The following SEPTIN6 variants were observed in gnomAD, a reference collection of about 807,000 sequenced individuals.
SEPTIN6 encodes the protein septin-6.
In SEPTIN6, 8 loss-of-function variants were observed where a neutral mutation model predicts 33.6. The observed-to-expected ratio is 0.24, with a 90% CI of 0.14 to 0.43. The LOEUF is 0.43. SEPTIN6 is among the 20% of genes least tolerant of loss of function. SEPTIN6 has a pLI of 1.00. For synonymous variants in SEPTIN6, 131 were observed against 140.0 expected, an observed-to-expected ratio of 0.94 and a Z score of 0.45; for missense variants, 250 against 340.8, an observed-to-expected ratio of 0.73 and a Z score of 2.10.
At chrX:119,621,360 C>A (rs1165203389) in intron 10 of SEPTIN6, among the ~76,000 whole-genome samples, 5 of 109,140 alleles carry the variant, frequency 4.6e-5, no homozygotes, top group South Asian at 3.9e-4. Context: ...AGAACTGATC[C>A]CCATTTCATA....
chrX:119,618,356 G>C lies in SEPTIN6; in HGVS notation c.*1737C>G, dbSNP rs1358894406. ...ACCTACACAGCAAACCTATATTCTTGCTTTGTCAACAAGAAAAGTGCGTGC... is the reference window on the plus strand; with the variant it reads ...ACCTACACAGCAAACCTATATTCTTCCTTTGTCAACAAGAAAAGTGCGTGC... On this transcript the variant is annotated 3_prime_UTR_variant, in exon 11 of 11. Transcript: ENST00000394610. The C allele has an allele frequency of 2.8e-5, 23 of 816,424 alleles. No homozygotes were observed. Among genetic ancestry groups the C allele is most frequent in the Non-Finnish European group, 2.9e-5 (20 of 679,476 alleles). 67.3% of individuals were successfully genotyped at this position (816,424 alleles called of 1,213,427 possible). A position where few individuals can be genotyped will look rare whatever the true frequency, so the allele number is the denominator to read the frequency against.
At chrX:119,658,096 C>CAT (rs2147561391) in intron 3 of SEPTIN6, among the ~76,000 whole-genome samples, 1 of 112,083 alleles carries the variant, frequency 8.9e-6, no homozygotes, top group East Asian at 2.8e-4. Context: ...CACTGCACTC[C>CAT]CGTCTGGGCA....
intron 2 of SEPTIN6, among the ~76,000 whole-genome samples, chrX:119,671,577 C>T (rs777408636): frequency 1.1e-3 from 121 of 110,019 alleles, no homozygotes; most frequent in African/African-American, 3.7e-3. Context: ...CGTGAGCCAC[C>T]GCGCCTGGCC....
intron 1 of SEPTIN6, among the ~76,000 whole-genome samples, chrX:119,691,182 T>TA (rs773184236): frequency 8.9e-6 from 1 of 111,829 alleles, no homozygotes; most frequent in African/African-American, 3.3e-5. Flanking sequence ...AGGGCATCTC[T>TA]AGGTTGCCTG....
At position 119,654,318 on chromosome X, in the gene SEPTIN6, T is replaced by A. The variant is rs192510279; in HGVS notation, c.342-1278A>T. Among the ~76,000 whole-genome samples the A allele has an allele frequency of 2.0e-3, 217 of 111,093 alleles. 1 individual carries two copies. Among genetic ancestry groups the A allele is most frequent in the African/African-American group, 6.7e-3 (206 of 30,576 alleles). On this transcript the variant is annotated intron_variant, in intron 3 of 10. Coordinates refer to ENST00000394610, the MANE Select transcript of SEPTIN6 (RefSeq NM_145799.4). ...CCAGTCCCCTCCCACGTCATCCCCG[T>A]CACCCCTACGGCCTCTTTCTGCTCT...
chrX:119,663,005 C>T (rs180823637), intron 3 of SEPTIN6, among the ~76,000 whole-genome samples: 2 of 112,327 alleles, frequency 1.8e-5, no homozygotes, highest in Non-Finnish European at 3.8e-5. Context: ...GACCTCCCTA[C>T]GTGGAATTGA....
chrX:119,683,038 G>T lies in SEPTIN6; in HGVS notation c.31-7370C>A, dbSNP rs532012406. Among the ~76,000 whole-genome samples, 20 of 111,580 alleles carry T rather than the reference G, an allele frequency of 1.8e-4. No homozygotes were observed. The South Asian group carries it at 7.4e-3, about 41-fold the overall frequency. On this transcript the variant is annotated intron_variant, in intron 1 of 10. Transcript: ENST00000394610. ...GAGGCCAAGGCGGGCAGATTACTTG[G>T]GGCCAGGAATTCGAAACCAGCCTGG...
intron 2 of SEPTIN6, among the ~76,000 whole-genome samples, chrX:119,673,849 AAAAAAAAAAAAAG>A (rs2054793386): frequency 9.3e-6 from 1 of 107,762 alleles, no homozygotes; most frequent in Admixed American, 1.0e-4. Flanking sequence ...CTCAAAAAAA[AAAAAAAAAAAAAG>A]AAAGAAAGAA....
chrX:119,644,980 T>C (rs1208585106), intron 5 of SEPTIN6, among the ~76,000 whole-genome samples: 1 of 105,078 alleles, frequency 9.5e-6, no homozygotes, highest in Non-Finnish European at 2.0e-5. Context: ...CGATCTCGGC[T>C]CACTGCAACC....
At chrX:119,640,945 A>G (rs978254130) in intron 5 of SEPTIN6, among the ~76,000 whole-genome samples, 157 bp from the exon 6 acceptor site, 7 of 112,572 alleles carry the variant, frequency 6.2e-5, no homozygotes, top group Admixed American at 9.4e-5. Flanking sequence ...TTCCCAAACC[A>G]TGTGAGGATA....
chrX:119,677,326 G>A, intron 1 of SEPTIN6, among the ~76,000 whole-genome samples: 1 of 112,428 alleles, frequency 8.9e-6, no homozygotes, highest in Non-Finnish European at 1.9e-5. Flanking sequence ...GGAGCCAGGG[G>A]GAAGCATAAA....
Position 119,630,460 on chromosome X carries a change from A to T in SEPTIN6, c.1090-952T>A, listed in dbSNP as rs773337126. 1.7e-4 allele frequency among the ~76,000 whole-genome samples: 19 copies of T among 112,392 alleles called. No individual in the cohort carries two copies. In the South Asian group the frequency reaches 5.5e-3, roughly 33 times the overall value. ...TGGCTTTGGACATGGAAGGAAATAA[A>T]AAGGACTTTATGACATGGAATGAGT... On this transcript the variant is annotated intron_variant, in intron 8 of 10. Transcript: ENST00000394610.
At chrX:119,667,776 G>C (rs2054669138) in intron 2 of SEPTIN6, among the ~76,000 whole-genome samples, 1 of 110,034 alleles carries the variant, frequency 9.1e-6, no homozygotes, top group South Asian at 3.9e-4. Flanking sequence ...TGGAGACTTG[G>C]CAATTCGATT....
intron 3 of SEPTIN6, among the ~76,000 whole-genome samples, chrX:119,661,041 CAAAAAAAAAA>C (rs58898121): frequency 9.4e-4 from 9 of 9,535 alleles, no homozygotes; most frequent in African/African-American, 3.2e-3. Context: ...GACTCCATCT[CAAAAAAAAAA>C]AAAAAAAAAA....
intron 1 of SEPTIN6, among the ~76,000 whole-genome samples, chrX:119,684,964 G>A (rs1006365363): frequency 8.9e-6 from 1 of 111,967 alleles, no homozygotes; most frequent in South Asian, 3.7e-4. Context: ...TGCAAAAGCT[G>A]GCAGCACCCC....
At chrX:119,629,213 CA>C (rs765377459) in intron 9 of SEPTIN6, 104 bp downstream of exon 9, 12 of 773,165 alleles carry the variant, frequency 1.6e-5, no homozygotes, top group African/African-American at 2.1e-5. Flanking sequence ...GCCCACAGCT[CA>C]CCTCTGGTCA....
At chrX:119,626,314 T>C (rs2053855633) in intron 9 of SEPTIN6, among the ~76,000 whole-genome samples, 1 of 111,545 alleles carries the variant, frequency 9.0e-6, no homozygotes, top group Non-Finnish European at 1.9e-5. Context: ...AGAAGAACTT[T>C]TACTGAACAT....
rs11338110 is a variant in SEPTIN6, at chrX:119,624,144, G to GT, written c.*41+1190dup. The GT allele has an allele frequency of 5.4e-3, 1,101 of 205,379 alleles. 2 individuals carry two copies. Among genetic ancestry groups the GT allele is most frequent in the South Asian group, 0.011 (227 of 21,247 alleles). The allele number at this position is 205,379 out of a possible 1,213,427, so 16.9% of individuals were successfully genotyped here. On this transcript the variant is annotated intron_variant, in intron 10 of 10. Transcript: ENST00000394610. ...TCATTTTCCTCCGCTTTTATTATGG[G>GT]TTTTTTTTTTTTGTTTTTTTTTTTG...
rs190160118 is a variant in SEPTIN6 at position 119,640,777 on chromosome X, C to T, written c.702G>A (p.Pro234=). 17 of 1,207,445 alleles carry T rather than the reference C, an allele frequency of 1.4e-5. No individual in the cohort carries two copies. In the East Asian group the frequency reaches 2.1e-4, roughly 15 times the overall value. The change falls in exon 6 of 11, where the codon CCG becomes CCA. Residue 234 remains proline (P), a synonymous_variant. Transcript: ENST00000394610. The part of the protein sequence containing the change: ...EINGTMNAHL[P]FAVIGSTEEL... ...CTTCTGTGCTGCCAATGACAGCAAA[C>T]GGCAGGTGGGCCTGAAACCGAAGGC... is the stretch of plus-strand genomic sequence containing the variant.
Sources: allele counts gnomAD v4.1 joint callset (sites outside exome capture counted in the v4.1 genomes callset), GRCh38; gene constraint gnomAD v4.1.1; transcripts MANE v1.5; gene names NCBI Gene and HGNC (gene_info 2026-07-23, HGNC 2026-07-21).